Variants in ATRX observed in about 807,000 individuals in gnomAD.
The protein encoded by ATRX is ATRX chromatin remodeler, also known as chromatin remodeler ATRX.
Under a neutral mutation model 172.6 loss-of-function variants are expected in ATRX, and 12 were observed. The observed-to-expected ratio is 0.07, with a 90% CI of 0.04 to 0.11. ATRX has a LOEUF of 0.11. Ranked by LOEUF, ATRX falls within the 10% of genes least tolerant of loss-of-function variation. The probability of loss-of-function intolerance (pLI) is 1.00; values close to 1 mark genes in which losing one functional copy is unlikely to be tolerated. For missense variants in ATRX, 1,368 were observed against 1,767.4 expected (o/e 0.77, Z 4.05); for synonymous variants, 674 against 594.7 (o/e 1.13, Z -1.94).
intron 2 of ATRX, among the ~76,000 whole-genome samples, chrX:77,708,126 A>C (rs561096659): frequency 2.6e-4 from 29 of 112,464 alleles, no homozygotes; most frequent in South Asian, 2.6e-3. Context: ...AAAAAACTGT[A>C]CACCAATATT....
chrX:77,550,529 G>A (rs1279423694), intron 30 of ATRX, among the ~76,000 whole-genome samples: 1 of 111,436 alleles, frequency 9.0e-6, no homozygotes, highest in Non-Finnish European at 1.9e-5. Flanking sequence ...GGCAAAAACT[G>A]GAAGTATTCC....
Position 77,681,950 on chromosome X carries a change from C to T in ATRX, c.3306G>A (p.Arg1102=), listed in dbSNP as rs782279780. The change falls in exon 9 of 35, where the codon AGG becomes AGA. Residue 1102 remains arginine, a synonymous_variant. Coordinates refer to ENST00000373344, the MANE Select transcript of ATRX (RefSeq NM_000489.6). ...KRCKLLGKSS[R]KRQDCSSSDT... is the part of the protein sequence containing the mutation. ...CAGATGATGAACAATCTTGTCTCTT[C>T]CTTGAACTCTTTCCAAGCAACTTGC... The T allele has an allele frequency of 1.2e-5, 14 of 1,208,604 alleles. No individual in the cohort carries two copies. The East Asian group carries it at 3.9e-4, about 33-fold the overall frequency.
intron 30 of ATRX, among the ~76,000 whole-genome samples, chrX:77,550,994 T>C (rs1380244006): frequency 2.5e-4 from 28 of 111,801 alleles, no homozygotes; most frequent in Non-Finnish European, 5.1e-4. Context: ...GAACATTCCA[T>C]GCTCATGGAT....
At chrX:77,707,017 AC>A (rs2072864385) in intron 2 of ATRX, among the ~76,000 whole-genome samples, 1 of 113,031 alleles carries the variant, frequency 8.8e-6, no homozygotes, top group Non-Finnish European at 1.9e-5. Flanking sequence ...GTATATACAT[AC>A]AATGGAATGG....
intron 27 of ATRX, among the ~76,000 whole-genome samples, chrX:77,585,996 T>A (rs1432579784): frequency 4.5e-5 from 5 of 110,814 alleles, no homozygotes; most frequent in Admixed American, 3.9e-4. Context: ...CTGGGAAGGG[T>A]AGTGGGTGGT....
chrX:77,581,712 T>C (rs1159179561), intron 27 of ATRX, among the ~76,000 whole-genome samples: 1 of 112,278 alleles, frequency 8.9e-6, no homozygotes, highest in African/African-American at 3.2e-5. Context: ...TTACAGAATA[T>C]TTCATCCAAC....
intron 30 of ATRX, among the ~76,000 whole-genome samples, chrX:77,553,742 C>T (rs1160657038): frequency 2.7e-5 from 3 of 112,024 alleles, no homozygotes; most frequent in South Asian, 3.7e-4. Flanking sequence ...CTACTTTCAA[C>T]ATCTGTTCAA....
intron 1 of ATRX, among the ~76,000 whole-genome samples, chrX:77,743,067 T>G (rs1357834613): frequency 1.8e-5 from 2 of 110,555 alleles, no homozygotes; most frequent in Non-Finnish European, 3.8e-5. Flanking sequence ...TGGTGTGGGA[T>G]GCAGCCACCA....
intron 22 of ATRX, among the ~76,000 whole-genome samples, chrX:77,612,468 T>C (rs1557094616): frequency 9.1e-6 from 1 of 110,327 alleles, no homozygotes; most frequent in Non-Finnish European, 1.9e-5. Flanking sequence ...ACCTAATCCA[T>C]GTGGGGCTTG....
At chrX:77,702,924 G>A (rs1267361674) in intron 2 of ATRX, among the ~76,000 whole-genome samples, 1 of 111,429 alleles carries the variant, frequency 9.0e-6, no homozygotes, top group East Asian at 2.8e-4. Context: ...ATGGGTTCTG[G>A]CTATGTTTCC....
At chrX:77,736,895 A>G (rs1218783575) in intron 1 of ATRX, among the ~76,000 whole-genome samples, 1 of 112,112 alleles carries the variant, frequency 8.9e-6, no homozygotes, top group Non-Finnish European at 1.9e-5. Context: ...GCCATAAAAA[A>G]GAATGAGATC....
chrX:77,521,347 AG>A (rs2147740833), intron 33 of ATRX, 55 bp downstream of exon 33: 2 of 929,732 alleles, frequency 2.2e-6, no homozygotes, highest in Non-Finnish European at 3.1e-6. Flanking sequence ...AAATGGCAGT[AG>A]GGGGTGGAGG....
chrX:77,609,135 G>T (rs782658662), intron 22 of ATRX, among the ~76,000 whole-genome samples: 102 of 111,722 alleles, frequency 9.1e-4, no homozygotes, highest in Non-Finnish European at 3.4e-4. Context: ...ACTGCTGTTG[G>T]GAATGTAAAT....
intron 27 of ATRX, among the ~76,000 whole-genome samples, chrX:77,581,426 G>A (rs1205069876): frequency 9.0e-6 from 1 of 111,607 alleles, no homozygotes; most frequent in Non-Finnish European, 1.9e-5. Flanking sequence ...ACTTATATAG[G>A]ACAAAATAGA....
Position 77,522,344 on chromosome X carries a change from G to A in ATRX, c.6894C>T (p.Pro2298=), listed in dbSNP as rs1425223378. ...RFNIPTGTNL[P]PVSFNSQTPY... ...GAGTTTGAGAGTTGAAACTGACAGG[G>A]GGTAAATTGGTCCCAGTTGGTATGT... is the stretch of plus-strand genomic sequence containing the variant. The change falls in exon 32 of 35, where the codon CCC becomes CCT. Residue 2298 remains proline (P), a synonymous_variant. Transcript: ENST00000373344. 3 of 1,208,308 alleles carry A rather than the reference G, an allele frequency of 2.5e-6. No homozygotes were observed. The highest frequency in any genetic ancestry group is 3.4e-6 in the Non-Finnish European group (3 of 894,050).
chrX:77,615,853 G>T, intron 22 of ATRX: 1 of 541,446 alleles, frequency 1.8e-6, no homozygotes, highest in Non-Finnish European at 2.2e-6. Flanking sequence ...TTCACAATTG[G>T]CCAAAGAGCA....
At chrX:77,693,802 T>A (rs1175894687) in intron 6 of ATRX, 22 bp downstream of exon 6, 3 of 1,141,973 alleles carry the variant, frequency 2.6e-6, no homozygotes, top group Non-Finnish European at 3.6e-6. Context: ...TAAATTCATG[T>A]TTCATTTTCA....
chrX:77,704,844 G>A (rs914278347), intron 2 of ATRX, among the ~76,000 whole-genome samples: 3 of 112,208 alleles, frequency 2.7e-5, no homozygotes, highest in Non-Finnish European at 5.7e-5. Flanking sequence ...GAGAGCAAGG[G>A]GGGCCTTCCC....
At position 77,782,679 on chromosome X, in the gene ATRX, G is replaced by T. The variant is rs1241575386; in HGVS notation, c.20+3303C>A. On this transcript the variant is annotated intron_variant, in intron 1 of 34. Coordinates refer to ENST00000373344, the MANE Select transcript of ATRX (RefSeq NM_000489.6). ...GAGGCAGGAGAATCGCTTGAACCCA[G>T]GAGGCAAAGGTTGTAGTGAGCCAAG... Among the ~76,000 whole-genome samples, 4 of 111,914 alleles carry T rather than the reference G, an allele frequency of 3.6e-5. No individual in the cohort carries two copies. In the East Asian group the frequency reaches 8.4e-4, roughly 23 times the overall value.
Sources: allele counts gnomAD v4.1 joint callset (sites outside exome capture counted in the v4.1 genomes callset), GRCh38; gene constraint gnomAD v4.1.1; transcripts MANE v1.5; gene names NCBI Gene and HGNC (gene_info 2026-07-23, HGNC 2026-07-21).